Variants in SLC35D1 observed in about 807,000 individuals in gnomAD.
The protein encoded by SLC35D1 is solute carrier family 35 member D1.
Under a neutral mutation model 46.7 loss-of-function variants are expected in SLC35D1, and 31 were observed. The ratio of observed to expected loss-of-function variants is 0.66; its 90% CI spans 0.50 to 0.90. SLC35D1 has a LOEUF of 0.90. SLC35D1 is among the 40% of genes least tolerant of loss of function. The probability of loss-of-function intolerance (pLI) is 0.00; values close to 1 mark genes in which losing one functional copy is unlikely to be tolerated. For synonymous variants in SLC35D1, 195 were observed against 164.6 expected (o/e 1.18, Z -1.41); for missense variants, 397 against 426.2 (o/e 0.93, Z 0.60).
intron 10 of SLC35D1, among the ~76,000 whole-genome samples, chr1:67,010,525 T>C (rs1377132596): frequency 6.6e-6 from 1 of 152,104 alleles, no homozygotes; most frequent in African/African-American, 2.4e-5. Context: ...CTTTTAATTA[T>C]CCTAAGACCA....
chr1:67,024,182 G>C (rs993922609), intron 8 of SLC35D1, among the ~76,000 whole-genome samples: 1 of 151,990 alleles, frequency 6.6e-6, no homozygotes, highest in African/African-American at 2.4e-5. Context: ...CAGACCTCAA[G>C]TGATCCGCCC....
At chr1:67,013,818 C>T (rs944200245) in intron 10 of SLC35D1, among the ~76,000 whole-genome samples, 6 of 152,078 alleles carry the variant, frequency 3.9e-5, no homozygotes, top group Middle Eastern at 3.2e-3. Context: ...TTATAGTAAA[C>T]GATTATTACT....
chr1:67,041,960 C>A (rs1645192289), intron 8 of SLC35D1, among the ~76,000 whole-genome samples: 1 of 152,148 alleles, frequency 6.6e-6, no homozygotes, highest in Non-Finnish European at 1.5e-5. Context: ...TGTAAAAATT[C>A]CCTTCCTCTA....
chr1:67,008,414 T>G (rs1270511259), intron 11 of SLC35D1: 1 of 1,288,262 alleles, frequency 7.8e-7, no homozygotes, highest in Non-Finnish European at 1.0e-6. Flanking sequence ...CACTACCAAC[T>G]CTTAACTCAC....
chr1:66,974,843 A>G, the SLC35D1 span, among the ~76,000 whole-genome samples: 14 of 152,228 alleles, frequency 9.2e-5, no homozygotes, highest in Admixed American at 8.5e-4. Context: ...GATCTTAATC[A>G]TAAGTTCTAT....
At chr1:67,022,990 A>G (rs1667843153) in intron 8 of SLC35D1, among the ~76,000 whole-genome samples, 1 of 152,196 alleles carries the variant, frequency 6.6e-6, no homozygotes. Context: ...GGACTCATCC[A>G]TCCTATGTAT....
the SLC35D1 span, chr1:66,976,854 A>C: frequency 1.4e-6 from 1 of 710,942 alleles, no homozygotes; most frequent in African/African-American, 1.8e-5. Context: ...CGAGAGTGAT[A>C]AAATCTTGCT....
At position 67,003,453 on chromosome 1, in the gene SLC35D1, T is replaced by C. The variant is rs1220245235; in HGVS notation, c.*887A>G. On this transcript the variant is annotated 3_prime_UTR_variant, in exon 12 of 12. Coordinates refer to ENST00000235345, the MANE Select transcript of SLC35D1 (RefSeq NM_015139.3). ...AATCCAATTTACAGATTTGCGGCTTTTGAGTGCTGAAACAACTTACTCTTA... is the reference window on the plus strand; with the variant it reads ...AATCCAATTTACAGATTTGCGGCTTCTGAGTGCTGAAACAACTTACTCTTA... 1 of 152,234 alleles carries C rather than the reference T, an allele frequency of 6.6e-6. No individual in the cohort carries two copies. The highest frequency in any genetic ancestry group is 1.9e-4 in the East Asian group (1 of 5,216). 9.4% of individuals were successfully genotyped at this position (152,234 alleles called of 1,614,324 possible).
In SLC35D1 at chr1:67,000,529, C is replaced by G. The variant is rs562202606; in HGVS notation, c.*3811G>C. On this transcript the variant is annotated 3_prime_UTR_variant, in exon 12 of 12. Coordinates refer to ENST00000235345, the MANE Select transcript of SLC35D1 (RefSeq NM_015139.3). Reference sequence around the variant, plus strand: ...CAATGAGACACAGAGTCCTGTTTTTCAGGACAGACCGTATTGCCCAAGCCT... The same window carrying G: ...CAATGAGACACAGAGTCCTGTTTTTGAGGACAGACCGTATTGCCCAAGCCT... 2 of 152,242 alleles carry G rather than the reference C, an allele frequency of 1.3e-5. No individual in the cohort carries two copies. The highest frequency in any genetic ancestry group is 3.2e-3 in the Middle Eastern group (1 of 316). The allele number at this position is 152,242 out of a possible 1,614,324, so 9.4% of individuals were successfully genotyped here.
At chr1:66,993,598 C>T in the SLC35D1 span, among the ~76,000 whole-genome samples, 1 of 152,106 alleles carries the variant, frequency 6.6e-6, no homozygotes, top group African/African-American at 2.4e-5. Context: ...GCTCCATGAC[C>T]TCAGAGAAAA....
At chr1:66,995,894 T>C (rs142179296), downstream of SLC35D1, among the ~76,000 whole-genome samples, 1,431 of 152,344 alleles carry the variant, frequency 9.4e-3, 14 homozygotes, top group Non-Finnish European at 0.015. Context: ...AAAAAAATTA[T>C]CTGAAGGATA....
At chr1:66,990,965 TATAGC>T in the SLC35D1 span, among the ~76,000 whole-genome samples, 1 of 152,192 alleles carries the variant, frequency 6.6e-6, no homozygotes, top group Admixed American at 6.5e-5. Flanking sequence ...GCATATAGGT[TATAGC>T]ATAGCCTATA....
Position 67,000,959 on chromosome 1 carries a change from C to T in SLC35D1, c.*3381G>A, listed in dbSNP as rs886815094. ...GTGATACTCATAACCATGCAGGCAG[C>T]TCTTGGTTACAAAATCACGGACTCC... is the stretch of plus-strand genomic sequence containing the variant. On this transcript the variant is annotated 3_prime_UTR_variant, in exon 12 of 12. Coordinates refer to ENST00000235345, the MANE Select transcript of SLC35D1 (RefSeq NM_015139.3). 2 of 152,368 alleles carry T rather than the reference C, an allele frequency of 1.3e-5. No individual in the cohort carries two copies. Among genetic ancestry groups the T allele is most frequent in the African/African-American group, 2.4e-5 (1 of 41,454 alleles). 9.4% of individuals were successfully genotyped at this position (152,368 alleles called of 1,614,324 possible).
chr1:67,038,416 G>A (rs142307609), intron 8 of SLC35D1, among the ~76,000 whole-genome samples: 408 of 152,090 alleles, frequency 2.7e-3, no homozygotes, highest in African/African-American at 6.2e-3. Context: ...ATTATACAGC[G>A]TACCACAGAA....
At chr1:66,995,565 G>A (rs1440681675), downstream of SLC35D1, among the ~76,000 whole-genome samples, 3 of 151,126 alleles carry the variant, frequency 2.0e-5, no homozygotes, top group Non-Finnish European at 4.4e-5. Context: ...TGTGGTGAGG[G>A]CAGGGGAGCC....
chr1:67,009,316 T>C, intron 10 of SLC35D1, 149 bp from the exon 11 acceptor site: 1 of 380,206 alleles, frequency 2.6e-6, no homozygotes, highest in South Asian at 4.5e-5. Flanking sequence ...AATAATAGTA[T>C]AAGGAAGAAC....
chr1:66,984,902 T>A, the SLC35D1 span: 4 of 1,574,498 alleles, frequency 2.5e-6, no homozygotes, highest in Non-Finnish European at 3.4e-6. Flanking sequence ...GATGACTAAA[T>A]TTTAGACCTA....
downstream of SLC35D1, among the ~76,000 whole-genome samples, chr1:66,998,898 T>C (rs994163072): frequency 2.0e-5 from 3 of 152,236 alleles, no homozygotes; most frequent in African/African-American, 7.2e-5. Flanking sequence ...GGAAATGTTC[T>C]GGAGATTGGT....
intron 8 of SLC35D1, among the ~76,000 whole-genome samples, chr1:67,041,788 AAAC>A (rs1050571783): frequency 2.0e-5 from 3 of 152,192 alleles, no homozygotes; most frequent in African/African-American, 7.2e-5. Flanking sequence ...GAGAAAAAAA[AAAC>A]AAGTTGGGAG....
Sources: allele counts gnomAD v4.1 joint callset (sites outside exome capture counted in the v4.1 genomes callset), GRCh38; gene constraint gnomAD v4.1.1; transcripts MANE v1.5; gene names NCBI Gene and HGNC (gene_info 2026-07-23, HGNC 2026-07-21).